UBE2E2: variants seen among roughly 807,000 people sequenced by gnomAD.
UBE2E2 encodes ubiquitin conjugating enzyme E2 E2, also known as ubiquitin-conjugating enzyme E2 E2.
In UBE2E2, 6 loss-of-function variants were observed where a neutral mutation model predicts 24.7. The observed-to-expected ratio is 0.24, with a 90% CI of 0.13 to 0.48. The LOEUF (loss-of-function observed/expected upper bound fraction) is 0.48. Among genes scored for constraint, UBE2E2 ranks in the 20% least tolerant of loss-of-function variants. UBE2E2 has a pLI of 0.99. For synonymous variants in UBE2E2, 104 were observed against 83.6 expected (o/e 1.24, Z -1.33); for missense variants, 169 against 245.0 (o/e 0.69, Z 2.07).
rs1024868396 is a variant in UBE2E2 at position 23,417,927 on chromosome 3, C to T, written c.228-81681C>T. On this transcript the variant is annotated intron_variant, in intron 3 of 5. Coordinates refer to ENST00000396703, the MANE Select transcript of UBE2E2 (RefSeq NM_152653.4). ...CTCCCGTGCCCAAGGTCCAGCATCC[C>T]AGGTCGACTTCAGACTGCTGTGCTG... 3.3e-5 allele frequency among the ~76,000 whole-genome samples: 5 copies of T among 152,166 alleles called. 1 individual carries two copies. The East Asian group carries it at 5.8e-4, about 18-fold the overall frequency.
chr3:23,347,541 T>G (rs1049762788), intron 3 of UBE2E2, among the ~76,000 whole-genome samples: 5 of 150,198 alleles, frequency 3.3e-5, no homozygotes, highest in Middle Eastern at 3.4e-3. Flanking sequence ...TATCACACAC[T>G]GGGGCCTGTT....
chr3:23,505,845 C>A (rs1694441383), intron 4 of UBE2E2, among the ~76,000 whole-genome samples: 1 of 152,116 alleles, frequency 6.6e-6, no homozygotes, highest in South Asian at 2.1e-4. Context: ...TTTTCAAAAT[C>A]TTTATTTTTC....
At chr3:23,412,261 A>G (rs995195923) in intron 3 of UBE2E2, among the ~76,000 whole-genome samples, 3 of 152,086 alleles carry the variant, frequency 2.0e-5, no homozygotes, top group East Asian at 3.9e-4. Flanking sequence ...CTTAAAACGT[A>G]TTTGTGTTTT....
At chr3:23,233,414 G>C (rs1308769223) in intron 3 of UBE2E2, among the ~76,000 whole-genome samples, 2 of 152,144 alleles carry the variant, frequency 1.3e-5, no homozygotes, top group Admixed American at 6.6e-5. Context: ...GAATAGAATA[G>C]ATAAATTTGC....
rs2125524569 is a variant in UBE2E2, at chr3:23,589,863, T to C, written c.*32T>C. ...GCTGCCTGCCGCCCCGCGGGACCTG[T>C]GCAAGCACATTCACCAAGTGCATCG... On this transcript the variant is annotated 3_prime_UTR_variant, in exon 6 of 6. Coordinates refer to ENST00000396703, the MANE Select transcript of UBE2E2 (RefSeq NM_152653.4). The surrounding 1 kb of genome is among the most constrained non-coding windows in gnomAD (Gnocchi z 4.1). 1 of 1,609,782 alleles carries C rather than the reference T, an allele frequency of 6.2e-7. No homozygotes were observed. Among genetic ancestry groups the C allele is most frequent in the East Asian group, 2.2e-5 (1 of 44,842 alleles).
At chr3:23,355,587 A>G (rs562117027) in intron 3 of UBE2E2, among the ~76,000 whole-genome samples, 6 of 152,226 alleles carry the variant, frequency 3.9e-5, no homozygotes, top group Non-Finnish European at 5.9e-5. Context: ...ACTTGTAACT[A>G]GAAACAAGTT....
chr3:23,375,861 T>C (rs1286240499), intron 3 of UBE2E2, among the ~76,000 whole-genome samples: 1 of 152,202 alleles, frequency 6.6e-6, no homozygotes, highest in East Asian at 1.9e-4. Flanking sequence ...CCTTCTGTAC[T>C]GTAGATTAAT....
chr3:23,436,910 A>G (rs1242773698), intron 3 of UBE2E2, among the ~76,000 whole-genome samples: 2 of 152,238 alleles, frequency 1.3e-5, no homozygotes, highest in African/African-American at 4.8e-5. Flanking sequence ...GCATAATACT[A>G]TGAGCTGGGT....
chr3:23,206,139 C>T (rs1400080758), intron 1 of UBE2E2, among the ~76,000 whole-genome samples: 1 of 152,188 alleles, frequency 6.6e-6, no homozygotes. Context: ...ACTCATTTCA[C>T]ATTTCTTAAG....
intron 3 of UBE2E2, among the ~76,000 whole-genome samples, chr3:23,433,973 A>G (rs1303527630): frequency 1.3e-5 from 2 of 152,106 alleles, no homozygotes; most frequent in South Asian, 2.1e-4. Context: ...ATTATATGGA[A>G]CTATTTATAA....
chr3:23,337,198 G>A (rs1695235452), intron 3 of UBE2E2, among the ~76,000 whole-genome samples: 1 of 151,570 alleles, frequency 6.6e-6, no homozygotes, highest in African/African-American at 2.4e-5. Flanking sequence ...TTCAGCATTA[G>A]CTAGGCAATA....
At chr3:23,255,331 C>T (rs749792555) in intron 3 of UBE2E2, among the ~76,000 whole-genome samples, 3 of 151,438 alleles carry the variant, frequency 2.0e-5, no homozygotes, top group Non-Finnish European at 2.9e-5. Flanking sequence ...TCAGCTCAAG[C>T]GATCCGTGTT....
intron 3 of UBE2E2, among the ~76,000 whole-genome samples, chr3:23,243,096 A>C (rs1478540737): frequency 7.0e-6 from 1 of 142,322 alleles, no homozygotes; most frequent in Non-Finnish European, 1.6e-5. Context: ...AAAAAAAAAA[A>C]AGAAAAGAAA....
At chr3:23,243,085 CA>C (rs559311463) in intron 3 of UBE2E2, among the ~76,000 whole-genome samples, 127 of 118,174 alleles carry the variant, frequency 1.1e-3, no homozygotes, top group Admixed American at 9.7e-4. Context: ...GACGCTGTTT[CA>C]AAAAAAAAAA....
At chr3:23,300,763 T>C (rs1276082271) in intron 3 of UBE2E2, among the ~76,000 whole-genome samples, 1 of 152,086 alleles carries the variant, frequency 6.6e-6, no homozygotes, top group Non-Finnish European at 1.5e-5. Context: ...TTATGTGTCT[T>C]GGAGTTGCTC....
At chr3:23,258,219 G>A (rs551925304) in intron 3 of UBE2E2, among the ~76,000 whole-genome samples, 6 of 152,254 alleles carry the variant, frequency 3.9e-5, no homozygotes, top group South Asian at 2.1e-4. Context: ...CAAAACAGTC[G>A]ATTCCTCACA....
chr3:23,364,063 T>TC (rs1696196374), intron 3 of UBE2E2, among the ~76,000 whole-genome samples: 1 of 151,996 alleles, frequency 6.6e-6, no homozygotes, highest in Non-Finnish European at 1.5e-5. Flanking sequence ...ACAATGAAAT[T>TC]AAGGCAGAAA....
intron 3 of UBE2E2, among the ~76,000 whole-genome samples, chr3:23,378,131 A>G (rs927816526): frequency 6.6e-6 from 1 of 151,950 alleles, no homozygotes; most frequent in Non-Finnish European, 1.5e-5. Flanking sequence ...GTTTCTTAAA[A>G]TAAAAATACA....
rs564946503 is a variant in UBE2E2 at position 23,589,558 on chromosome 3, G to C, written c.509-176G>C. Among the ~76,000 whole-genome samples the C allele has an allele frequency of 6.6e-6, 1 of 152,312 alleles. No individual in the cohort carries two copies. The highest frequency in any genetic ancestry group is 2.1e-4 in the South Asian group (1 of 4,826). On this transcript the variant is annotated intron_variant, in intron 5 of 5. Coordinates refer to ENST00000396703, the MANE Select transcript of UBE2E2 (RefSeq NM_152653.4). The surrounding 1 kb of genome is among the most constrained non-coding windows in gnomAD (Gnocchi z 4.1). The stretch of plus-strand genomic sequence containing the variant: ...ATACAGATAGGTGACTCTTGGGGCA[G>C]CTGGTGTGAAATGTAGTCTGTCAGC...
Sources: allele counts gnomAD v4.1 joint callset (sites outside exome capture counted in the v4.1 genomes callset), GRCh38; gene constraint gnomAD v4.1.1; non-coding constraint Gnocchi (gnomAD v3.1); transcripts MANE v1.5; gene names NCBI Gene and HGNC (gene_info 2026-07-23, HGNC 2026-07-21).